GALNTL6: variants seen among roughly 807,000 people sequenced by gnomAD.
GALNTL6 encodes the protein polypeptide N-acetylgalactosaminyltransferase like 6.
GALNTL6 carries 46 observed loss-of-function variants against 73.7 expected under a neutral mutation model. The ratio of observed to expected loss-of-function variants is 0.62; its 90% CI spans 0.49 to 0.80. The LOEUF is 0.80. GALNTL6 is among the 30% of genes least tolerant of loss of function. The probability of loss-of-function intolerance (pLI) is 0.00; values close to 1 mark genes in which losing one functional copy is unlikely to be tolerated. For missense variants in GALNTL6, 604 were observed against 755.0 expected (o/e 0.80, Z 2.34); for synonymous variants, 259 against 263.7 (o/e 0.98, Z 0.17).
At chr4:172,482,365 G>A (rs13107068) in intron 5 of GALNTL6, among the ~76,000 whole-genome samples, 20,018 of 152,330 alleles carry the variant, frequency 0.13, 1,724 homozygotes, top group Non-Finnish European at 0.2. Flanking sequence ...TGGCCAGAGC[G>A]GATGCCGAGC....
intron 5 of GALNTL6, among the ~76,000 whole-genome samples, chr4:172,395,899 G>A (rs1016419172): frequency 6.6e-6 from 1 of 152,070 alleles, no homozygotes; most frequent in African/African-American, 2.4e-5. Flanking sequence ...AGAAAAATGA[G>A]TCCCTAAACC....
At chr4:173,031,941 T>A (rs546141479) in intron 12 of GALNTL6, among the ~76,000 whole-genome samples, 32 of 152,202 alleles carry the variant, frequency 2.1e-4, no homozygotes, top group African/African-American at 7.5e-4. Flanking sequence ...AACTTCTAAA[T>A]GGAGACCGAA....
At chr4:172,802,130 A>T (rs539608426) in intron 5 of GALNTL6, among the ~76,000 whole-genome samples, 79 of 152,238 alleles carry the variant, frequency 5.2e-4, no homozygotes, top group African/African-American at 1.9e-3. Flanking sequence ...TGTGTCCTTT[A>T]ATATATTCTC....
At chr4:172,019,800 C>T (rs1380371362) in intron 2 of GALNTL6, among the ~76,000 whole-genome samples, 1 of 152,038 alleles carries the variant, frequency 6.6e-6, no homozygotes, top group East Asian at 1.9e-4. Context: ...CGGACTTCAC[C>T]TTCATTATAG....
chr4:172,952,219 C>T lies in GALNTL6; in HGVS notation c.1332C>T (p.Tyr444=). ...CTGTGGCCTGGGACGTGCCTAAATA[C>T]TACCCTCCAGTGGAGCCCCCGCCTG... ...MAAVAWDVPK[Y]YPPVEPPPAA... Residue 444 remains tyrosine, a synonymous_variant, in exon 10 of 13, where the codon TAC becomes TAT. Transcript: ENST00000506823. The T allele has an allele frequency of 6.2e-7, 1 of 1,614,086 alleles. No homozygotes were observed. Among genetic ancestry groups the T allele is most frequent in the Non-Finnish European group, 8.5e-7 (1 of 1,179,986 alleles).
At position 172,675,556 on chromosome 4, in the gene GALNTL6, C is replaced by T. The variant is rs547239143; in HGVS notation, c.554-133805C>T. Reference sequence around the variant, plus strand: ...CAGGTCTGGGTGCCTTCTCCATGCCCCACAAGCAAGAATGATTGCCCTGGA... The same window carrying T: ...CAGGTCTGGGTGCCTTCTCCATGCCTCACAAGCAAGAATGATTGCCCTGGA... On this transcript the variant is annotated intron_variant, in intron 5 of 12. Transcript: ENST00000506823. 1.8e-4 allele frequency among the ~76,000 whole-genome samples: 28 copies of T among 152,184 alleles called. No individual in the cohort carries two copies. The East Asian group carries it at 4.6e-3, about 25-fold the overall frequency.
intron 2 of GALNTL6, among the ~76,000 whole-genome samples, chr4:172,170,880 A>G (rs574621386): frequency 3.9e-5 from 6 of 152,332 alleles, no homozygotes; most frequent in South Asian, 4.1e-4. Flanking sequence ...ATTTCTGCCT[A>G]CCAGTTAAAC....
At chr4:171,965,468 A>C (rs1739357557) in intron 2 of GALNTL6, among the ~76,000 whole-genome samples, 1 of 151,982 alleles carries the variant, frequency 6.6e-6, no homozygotes, top group African/African-American at 2.4e-5. Flanking sequence ...CATCCTGGCT[A>C]ATACAGTGAA....
At chr4:172,987,946 T>C (rs1249857008) in intron 10 of GALNTL6, among the ~76,000 whole-genome samples, 1 of 152,190 alleles carries the variant, frequency 6.6e-6, no homozygotes, top group Admixed American at 6.5e-5. Context: ...TTCTAATAAA[T>C]TACCCAGTTT....
intron 5 of GALNTL6, among the ~76,000 whole-genome samples, chr4:172,562,461 T>A (rs1736409665): frequency 6.6e-6 from 1 of 152,114 alleles, no homozygotes; most frequent in Non-Finnish European, 1.5e-5. Flanking sequence ...TCTGTATAAC[T>A]CCCCCTTAGT....
At chr4:172,028,355 T>C (rs189780949) in intron 2 of GALNTL6, among the ~76,000 whole-genome samples, 1 of 152,010 alleles carries the variant, frequency 6.6e-6, no homozygotes, top group Admixed American at 6.6e-5. Context: ...TCAGCAAATA[T>C]GGAATGAATT....
At chr4:171,964,174 C>CTTTTTTTT (rs34889130) in intron 2 of GALNTL6, among the ~76,000 whole-genome samples, 1 of 148,156 alleles carries the variant, frequency 6.7e-6, no homozygotes, top group Non-Finnish European at 1.5e-5. Flanking sequence ...GTAAGCAATA[C>CTTTTTTTT]TTTTTTTTTT....
chr4:172,149,953 C>G (rs72700959), intron 2 of GALNTL6, among the ~76,000 whole-genome samples: 1 of 152,302 alleles, frequency 6.6e-6, no homozygotes, highest in Non-Finnish European at 1.5e-5. Context: ...CTGCACAGAG[C>G]TATTTGTTGA....
At chr4:172,307,734 T>G (rs1292316432) in intron 3 of GALNTL6, among the ~76,000 whole-genome samples, 1 of 152,188 alleles carries the variant, frequency 6.6e-6, no homozygotes, top group Non-Finnish European at 1.5e-5. Context: ...TTTATACCAG[T>G]ACCATGCTGT....
intron 2 of GALNTL6, among the ~76,000 whole-genome samples, chr4:171,956,285 T>C (rs1739048209): frequency 6.6e-6 from 1 of 152,178 alleles, no homozygotes; most frequent in South Asian, 2.1e-4. Flanking sequence ...GGATTACAGG[T>C]GTGATCCACT....
chr4:172,436,490 C>T (rs1399641018), intron 5 of GALNTL6, among the ~76,000 whole-genome samples: 1 of 152,074 alleles, frequency 6.6e-6, no homozygotes, highest in African/African-American at 2.4e-5. Flanking sequence ...TCAGCCACAG[C>T]AACTCCCCCT....
At chr4:172,312,522 T>C (rs2111146817) in intron 4 of GALNTL6, among the ~76,000 whole-genome samples, 1 of 152,236 alleles carries the variant, frequency 6.6e-6, no homozygotes, top group Non-Finnish European at 1.5e-5. Context: ...ATCTGATAAA[T>C]CTATCTAACT....
At chr4:172,976,488 G>A (rs777746302) in intron 10 of GALNTL6, among the ~76,000 whole-genome samples, 1 of 152,190 alleles carries the variant, frequency 6.6e-6, no homozygotes, top group South Asian at 2.1e-4. Context: ...AGTACAGTAC[G>A]TGGGCCACAG....
chr4:172,053,953 A>C (rs1402328602), intron 2 of GALNTL6, among the ~76,000 whole-genome samples: 1 of 152,158 alleles, frequency 6.6e-6, no homozygotes, highest in Non-Finnish European at 1.5e-5. Context: ...TTCAAAATCA[A>C]AGCACAATTG....
Sources: allele counts gnomAD v4.1 joint callset (sites outside exome capture counted in the v4.1 genomes callset), GRCh38; gene constraint gnomAD v4.1.1; transcripts MANE v1.5; gene names NCBI Gene and HGNC (gene_info 2026-07-23, HGNC 2026-07-21).